Variants in CSMD1 observed in about 807,000 individuals in gnomAD.
The protein encoded by CSMD1 is CUB and sushi domain-containing protein 1.
In CSMD1, 213 loss-of-function variants were observed where a neutral mutation model predicts 417.5. That is an observed-to-expected ratio of 0.51 (90% CI 0.46 to 0.57). The LOEUF is 0.57. CSMD1 is among the 20% of genes least tolerant of loss of function. The pLI, the probability that CSMD1 is intolerant of heterozygous loss-of-function variation, is 0.00. For missense variants in CSMD1, 6,923 were observed against 4,529.7 expected, an observed-to-expected ratio of 1.53 and a Z score of -15.17; for synonymous variants, 2,862 against 1,736.8, an observed-to-expected ratio of 1.65 and a Z score of -16.11.
intron 1 of CSMD1, among the ~76,000 whole-genome samples, chr8:4,956,150 A>G (rs1809094333): frequency 6.6e-6 from 1 of 152,104 alleles, no homozygotes; most frequent in Non-Finnish European, 1.5e-5. Context: ...TGACAGAGTT[A>G]TCATTTTTCT....
chr8:2,998,284 G>T (rs1807092273), intron 53 of CSMD1, 100 bp from the exon 54 acceptor site: 7 of 1,234,368 alleles, frequency 5.7e-6, no homozygotes, highest in Non-Finnish European at 5.7e-6. Flanking sequence ...TAACGGTATG[G>T]ACTGAAGGTT....
intron 3 of CSMD1, among the ~76,000 whole-genome samples, chr8:4,309,086 T>C (rs980535448): frequency 6.6e-6 from 1 of 152,196 alleles, no homozygotes; most frequent in Admixed American, 6.6e-5. Context: ...TAGGTTATTT[T>C]TGTAGTCACT....
At chr8:3,290,789 C>A (rs1288350768) in intron 25 of CSMD1, among the ~76,000 whole-genome samples, 1 of 148,100 alleles carries the variant, frequency 6.8e-6, no homozygotes, top group Non-Finnish European at 1.5e-5. Context: ...AATTTGACTT[C>A]CTCTTTTCCT....
At position 3,396,564 on chromosome 8, in the gene CSMD1, C is replaced by T. The variant is rs995212740; in HGVS notation, c.2406-183G>A. Among the ~76,000 whole-genome samples the T allele has an allele frequency of 3.3e-5, 5 of 152,014 alleles. 1 individual carries two copies. Among genetic ancestry groups the T allele is most frequent in the Admixed American group, 1.3e-4 (2 of 15,260 alleles). On this transcript the variant is annotated intron_variant, in intron 16 of 69. Transcript: ENST00000635120. ...ATAGTATGTTCTTTTCTTGATGAGACGGCACAGCTTAAATCCCTTTCTCTT... is the reference window on the plus strand; with the variant it reads ...ATAGTATGTTCTTTTCTTGATGAGATGGCACAGCTTAAATCCCTTTCTCTT...
chr8:3,251,779 C>T (rs982105297), intron 26 of CSMD1, among the ~76,000 whole-genome samples: 8 of 152,204 alleles, frequency 5.3e-5, no homozygotes, highest in Non-Finnish European at 1.0e-4. Flanking sequence ...AGGTCCTTCA[C>T]ATCCCTTGTC....
intron 3 of CSMD1, among the ~76,000 whole-genome samples, chr8:4,296,701 T>TTTTTTTG (rs1797704901): frequency 6.7e-6 from 1 of 149,222 alleles, no homozygotes; most frequent in Admixed American, 6.7e-5. Flanking sequence ...TAAGGGTTTT[T>TTTTTTTG]TTTTTTTTTT....
chr8:4,948,928 G>T (rs771033972), intron 1 of CSMD1, among the ~76,000 whole-genome samples: 1 of 151,952 alleles, frequency 6.6e-6, no homozygotes. Flanking sequence ...GTGGATTTTT[G>T]GTAGATATAA....
intron 7 of CSMD1, among the ~76,000 whole-genome samples, chr8:3,643,857 T>A (rs1459099360): frequency 6.6e-6 from 1 of 152,120 alleles, no homozygotes; most frequent in Non-Finnish European, 1.5e-5. Flanking sequence ...GTTAATTAGC[T>A]TAATGAATTA....
chr8:3,259,617 A>C (rs1009886158), intron 26 of CSMD1, among the ~76,000 whole-genome samples: 1 of 152,158 alleles, frequency 6.6e-6, no homozygotes, highest in African/African-American at 2.4e-5. Context: ...TGACATGACA[A>C]ATTCCTCCTC....
chr8:3,712,673 G>A (rs12681128), intron 6 of CSMD1, among the ~76,000 whole-genome samples: 85,349 of 152,042 alleles, frequency 0.56, 24,064 homozygotes, highest in Admixed American at 0.63. Context: ...GTTTAGCTTT[G>A]TTAGTCCAGT....
intron 5 of CSMD1, among the ~76,000 whole-genome samples, chr8:3,821,637 C>A (rs565306752): frequency 6.6e-6 from 1 of 152,072 alleles, no homozygotes; most frequent in East Asian, 1.9e-4. Flanking sequence ...CAAAAATTAG[C>A]CGGGCATGGT....
intron 2 of CSMD1, among the ~76,000 whole-genome samples, chr8:4,567,268 A>G (rs1406807531): frequency 6.6e-6 from 1 of 152,212 alleles, no homozygotes; most frequent in African/African-American, 2.4e-5. Flanking sequence ...CTACAATTGT[A>G]ACGATTGTGT....
chr8:4,433,829 G>GA (rs1275687546), intron 2 of CSMD1, among the ~76,000 whole-genome samples: 4 of 147,740 alleles, frequency 2.7e-5, no homozygotes, highest in Admixed American at 7.0e-5. Flanking sequence ...AATGAATCTG[G>GA]AAAAAAAGGG....
At chr8:4,425,512 T>G (rs911232915) in intron 2 of CSMD1, among the ~76,000 whole-genome samples, 1 of 152,112 alleles carries the variant, frequency 6.6e-6, no homozygotes. Flanking sequence ...TACTCCACAC[T>G]GGCTGCGAGT....
chr8:4,806,479 A>G (rs1168621761), intron 1 of CSMD1, among the ~76,000 whole-genome samples: 2 of 149,682 alleles, frequency 1.3e-5, no homozygotes, highest in Non-Finnish European at 3.0e-5. Context: ...TCTGTGGGCC[A>G]TCTATTTAGT....
chr8:3,663,491 T>G (rs1288185849), intron 7 of CSMD1, among the ~76,000 whole-genome samples: 1 of 152,078 alleles, frequency 6.6e-6, no homozygotes, highest in Non-Finnish European at 1.5e-5. Flanking sequence ...AAAATGAACC[T>G]CAGGGCCCCA....
At position 3,796,303 on chromosome 8, in the gene CSMD1, GTATAGA is replaced by G. The variant is rs1228629805; in HGVS notation, c.819-42267_819-42262del. On this transcript the variant is annotated intron_variant, in intron 5 of 69. Transcript: ENST00000635120. ...TATCATGTATAGATATATCTATCATGTATAGATATAGATATCTATCATGTATAGATA... is the reference window on the plus strand; with the variant it reads ...TATCATGTATAGATATATCTATCATGTATAGATATCTATCATGTATAGATA... Among the ~76,000 whole-genome samples the G allele has an allele frequency of 2.4e-5, 2 of 83,418 alleles. 1 individual carries two copies. Among genetic ancestry groups the G allele is most frequent in the Admixed American group, 2.4e-4 (2 of 8,246 alleles). The allele number at this position is 83,418 out of a possible 152,430, so 54.7% of individuals were successfully genotyped here. A position where few individuals can be genotyped will look rare whatever the true frequency, so the allele number is the denominator to read the frequency against.
chr8:4,702,212 T>G (rs532623115), intron 1 of CSMD1, among the ~76,000 whole-genome samples: 51 of 152,258 alleles, frequency 3.3e-4, no homozygotes, highest in African/African-American at 1.2e-3. Flanking sequence ...CTATGGTACA[T>G]GTTTACCTTT....
At chr8:3,845,333 C>T (rs139755335) in intron 5 of CSMD1, among the ~76,000 whole-genome samples, 11 of 152,282 alleles carry the variant, frequency 7.2e-5, no homozygotes, top group South Asian at 4.1e-4. Flanking sequence ...TGAGGCTCTA[C>T]GATACAGCAT....
Sources: allele counts gnomAD v4.1 joint callset (sites outside exome capture counted in the v4.1 genomes callset), GRCh38; gene constraint gnomAD v4.1.1; transcripts MANE v1.5; gene names NCBI Gene and HGNC (gene_info 2026-07-23, HGNC 2026-07-21).